HNRNPA2B1: variants seen among roughly 807,000 people sequenced by gnomAD.
The protein encoded by HNRNPA2B1 is heterogeneous nuclear ribonucleoprotein A2/B1, also known as heterogeneous nuclear ribonucleoproteins A2/B1.
A neutral mutation model predicts 46.3 loss-of-function variants in HNRNPA2B1; 3 were observed. The ratio of observed to expected loss-of-function variants is 0.06; its 90% CI spans 0.03 to 0.17. The LOEUF (loss-of-function observed/expected upper bound fraction) is 0.17, where lower values mean the gene tolerates loss of function less well. HNRNPA2B1 is among the 10% of genes least tolerant of loss of function. HNRNPA2B1 has a pLI of 1.00. For missense variants in HNRNPA2B1, 221 were observed against 418.9 expected (o/e 0.53, Z 4.12); for synonymous variants, 225 against 133.8 (o/e 1.68, Z -4.70).
chr7:26,193,436 T>A, intron 8 of HNRNPA2B1, 63 bp from the exon 9 acceptor site: 1 of 1,552,616 alleles, frequency 6.4e-7, no homozygotes, highest in Non-Finnish European at 8.7e-7. Flanking sequence ...AGGACAAAGC[T>A]CCCATAAAAA....
Position 26,195,689 on chromosome 7 carries a change from A to C in HNRNPA2B1, c.721+158T>G, listed in dbSNP as rs1783502160. The C allele has an allele frequency of 2.1e-5, 15 of 722,734 alleles. No homozygotes were observed. The South Asian group carries it at 2.8e-4, about 14-fold the overall frequency. 44.8% of individuals were successfully genotyped at this position (722,734 alleles called of 1,614,324 possible). A position where few individuals can be genotyped will look rare whatever the true frequency, so the allele number is the denominator to read the frequency against. On this transcript the variant is annotated intron_variant, in intron 7 of 10. Coordinates refer to ENST00000618183, the MANE Select transcript of HNRNPA2B1 (RefSeq NM_002137.4). ...TATTCCTTAGGCTATAACAGCTAAG[A>C]TGGCAAAACTACTTAGAAATAACTG... is the stretch of plus-strand genomic sequence containing the variant.
chr7:26,196,189 T>C (rs546736710), intron 6 of HNRNPA2B1, among the ~76,000 whole-genome samples: 1 of 152,322 alleles, frequency 6.6e-6, no homozygotes, highest in Admixed American at 6.5e-5. Flanking sequence ...CACTTCATGT[T>C]ACATTATTAA....
intron 3 of HNRNPA2B1, 91 bp downstream of exon 3, chr7:26,197,224 T>A: frequency 7.0e-7 from 1 of 1,435,256 alleles, no homozygotes; most frequent in South Asian, 1.4e-5. Context: ...AGAAAAAATC[T>A]TGAGTTAAAA....
chr7:26,199,478 T>C (rs1278057737), intron 1 of HNRNPA2B1: 1 of 152,244 alleles, frequency 6.6e-6, no homozygotes, highest in Non-Finnish European at 1.5e-5. Flanking sequence ...ACAAAATCGT[T>C]ATTTCACTTT....
rs1304676398 is a variant in HNRNPA2B1, at chr7:26,193,294, T to C, written c.921A>G (p.Gly307=). ...CCATGTTCCTGCTACCACCAAAGTT[T>C]CCACTCTTCATTGGACCGTAGTTAG... ...QPSNYGPMKS[G]NFGGSRNMGG... is the part of the protein sequence containing the mutation. Residue 307 remains glycine (G), a synonymous_variant, in exon 9 of 11, where the codon GGA becomes GGG. Coordinates refer to ENST00000618183, the MANE Select transcript of HNRNPA2B1 (RefSeq NM_002137.4). 6.2e-7 allele frequency: 1 copy of C among 1,613,666 alleles called. No individual in the cohort carries two copies. Among genetic ancestry groups the C allele is most frequent in the African/African-American group, 1.3e-5 (1 of 75,032 alleles).
intron 1 of HNRNPA2B1, chr7:26,198,508 G>A (rs1385314468): frequency 6.6e-6 from 1 of 152,208 alleles, no homozygotes; most frequent in African/African-American, 2.4e-5. Context: ...TTAACCATAT[G>A]TACAATAAAA....
rs1168288081 is a variant in HNRNPA2B1, at chr7:26,196,838, A to G, written c.444T>C (p.Phe148=). The G allele has an allele frequency of 1.9e-6, 3 of 1,614,036 alleles. No individual in the cohort carries two copies. Among genetic ancestry groups the G allele is most frequent in the Admixed American group, 3.3e-5 (2 of 60,032 alleles). The part of the protein sequence containing the change: ...GKKRGFGFVT[F]DDHDPVDKIV... ...TTTTATCCACAGGATCATGGTCATC[A>G]AAAGTAACAAAGCCAAAGCCTCTTT... Residue 148 remains phenylalanine (F), a synonymous_variant, in exon 4 of 11, where the codon TTT becomes TTC. Coordinates refer to ENST00000618183, the MANE Select transcript of HNRNPA2B1 (RefSeq NM_002137.4).
chr7:26,191,273 A>G lies in HNRNPA2B1; in HGVS notation c.*1087T>C, dbSNP rs955051505. On this transcript the variant is annotated 3_prime_UTR_variant, in exon 11 of 11. Transcript: ENST00000618183. ...ACAGATTGGAAAACAGGGTTTATAA[A>G]AATTATTCTCTTGAGTTTATAAATT... 2 of 152,188 alleles carry G rather than the reference A, an allele frequency of 1.3e-5. No homozygotes were observed. The highest frequency in any genetic ancestry group is 4.8e-5 in the African/African-American group (2 of 41,436). The allele number at this position is 152,188 out of a possible 1,614,324, so 9.4% of individuals were successfully genotyped here. A position where few individuals can be genotyped will look rare whatever the true frequency, so the allele number is the denominator to read the frequency against.
rs1782954206 is a variant in HNRNPA2B1 at position 26,191,907 on chromosome 7, C to A, written c.*453G>T. On this transcript the variant is annotated 3_prime_UTR_variant, in exon 11 of 11. Transcript: ENST00000618183. ...ACAGCTTCTTAACTCTACACACGCACTTAAATTTTTTTAAAGGAAAAACGT... is the reference window on the plus strand; with the variant it reads ...ACAGCTTCTTAACTCTACACACGCAATTAAATTTTTTTAAAGGAAAAACGT... The A allele has an allele frequency of 6.6e-6, 1 of 152,592 alleles. No homozygotes were observed. The highest frequency in any genetic ancestry group is 2.1e-4 in the South Asian group (1 of 4,834). 9.5% of individuals were successfully genotyped at this position (152,592 alleles called of 1,614,324 possible). A position where few individuals can be genotyped will look rare whatever the true frequency, so the allele number is the denominator to read the frequency against.
Position 26,190,914 on chromosome 7 carries a change from C to T in HNRNPA2B1, c.*1446G>A, listed in dbSNP as rs182284582. 14 of 152,630 alleles carry T rather than the reference C, an allele frequency of 9.2e-5. No individual in the cohort carries two copies. Among genetic ancestry groups the T allele is most frequent in the Non-Finnish European group, 1.9e-4 (13 of 67,982 alleles). The allele number at this position is 152,630 out of a possible 1,614,324, so 9.5% of individuals were successfully genotyped here. A position where few individuals can be genotyped will look rare whatever the true frequency, so the allele number is the denominator to read the frequency against. On this transcript the variant is annotated 3_prime_UTR_variant, in exon 11 of 11. Transcript: ENST00000618183. ...CCCTAGTTCACTCAAAATGTTTGAT[C>T]CAAGAAATGTGAATACACAAGGGTG...
At chr7:26,200,079 A>C (rs1465339042) in intron 1 of HNRNPA2B1, 1 of 173,808 alleles carries the variant, frequency 5.8e-6, no homozygotes, top group Non-Finnish European at 1.3e-5. Flanking sequence ...GAGAAAGCAC[A>C]CTAAGAAAAT....
At chr7:26,197,090 G>A (rs561238481) in intron 3 of HNRNPA2B1, 73 bp from the exon 4 acceptor site, 12 of 1,245,416 alleles carry the variant, frequency 9.6e-6, no homozygotes, top group Non-Finnish European at 1.1e-5. Context: ...CCCAACCGTA[G>A]TACCATACTT....
At position 26,197,628 on chromosome 7, in the gene HNRNPA2B1, G is replaced by A; in HGVS notation, c.111C>T (p.Asp37=). 6.2e-7 allele frequency: 1 copy of A among 1,610,636 alleles called. No homozygotes were observed. Among genetic ancestry groups the A allele is most frequent in the Non-Finnish European group, 8.5e-7 (1 of 1,176,962 alleles). ...NYYEQWGKLT[D]CVVMRDPASK... ...AATTCAGTAATTTACATACCACACA[G>A]TCTGTAAGCTTTCCCCATTGTTCGT... The change falls in exon 2 of 11, where the codon GAC becomes GAT. Residue 37 remains aspartate (D), a synonymous_variant. Transcript: ENST00000618183.
At chr7:26,198,602 CAA>C (rs1320670286) in intron 1 of HNRNPA2B1, 3 of 152,190 alleles carry the variant, frequency 2.0e-5, no homozygotes, top group African/African-American at 7.2e-5. Context: ...GCGACAGGCA[CAA>C]AACAATTTTC....
intron 8 of HNRNPA2B1, 61 bp from the exon 9 acceptor site, chr7:26,193,434 G>A: frequency 7.7e-6 from 12 of 1,552,466 alleles, no homozygotes; most frequent in Non-Finnish European, 9.6e-6. Context: ...TTAGGACAAA[G>A]CTCCCATAAA....
At chr7:26,194,451 CAGTACGGG>C (rs1210582561) in intron 7 of HNRNPA2B1, among the ~76,000 whole-genome samples, 3 of 151,878 alleles carry the variant, frequency 2.0e-5, no homozygotes, top group Non-Finnish European at 2.9e-5. Context: ...GTAATCCCAG[CAGTACGGG>C]AAGTTGAGGC....
At chr7:26,196,685 TAAATTAAATCAACA>T in intron 4 of HNRNPA2B1, 27 bp from the exon 5 acceptor site, 1 of 1,592,082 alleles carries the variant, frequency 6.3e-7, no homozygotes, top group Non-Finnish European at 8.6e-7. Context: ...AGACTCCTTT[TAAATTAAATCAACA>T]ATATTAAGCA....
chr7:26,193,046 A>G (rs1371998132), intron 9 of HNRNPA2B1, among the ~76,000 whole-genome samples: 1 of 152,108 alleles, frequency 6.6e-6, no homozygotes, highest in Non-Finnish European at 1.5e-5. Flanking sequence ...CCCCACCTCC[A>G]ACATCCCTAA....
Position 26,190,481 on chromosome 7 carries a change from T to C in HNRNPA2B1, c.*1879A>G, listed in dbSNP as rs2128103747. 1.3e-5 allele frequency: 2 copies of C among 152,554 alleles called. 1 individual carries two copies. Among genetic ancestry groups the C allele is most frequent in the African/African-American group, 4.8e-5 (2 of 41,440 alleles). The allele number at this position is 152,554 out of a possible 1,614,324, so 9.5% of individuals were successfully genotyped here. On this transcript the variant is annotated 3_prime_UTR_variant, in exon 11 of 11. Transcript: ENST00000618183. ...CCTTCCTGCCAAAGGAAAAAAAAAG[T>C]ATCTGAAGAAGTTTATCATGTTTGT...
Sources: gnomAD v4.1 joint callset for allele counts (sites outside exome capture counted in the v4.1 genomes callset) on GRCh38, gnomAD v4.1.1 for gene constraint, MANE v1.5 for transcripts, NCBI Gene and HGNC (gene_info 2026-07-23, HGNC 2026-07-21) for gene names.